MMRN1: variants seen among roughly 807,000 people sequenced by gnomAD.
MMRN1 encodes multimerin-1.
MMRN1 carries 94 observed loss-of-function variants against 100.7 expected under a neutral mutation model. The ratio of observed to expected loss-of-function variants is 0.93; its 90% CI spans 0.79 to 1.11. The LOEUF (loss-of-function observed/expected upper bound fraction) is 1.11, where lower values mean the gene tolerates loss of function less well. Ranked by LOEUF, MMRN1 falls within the 50% of genes least tolerant of loss-of-function variation. The pLI is 0.00. For synonymous variants in MMRN1, 575 were observed against 505.0 expected, an observed-to-expected ratio of 1.14 and a Z score of -1.86; for missense variants, 1,606 against 1,439.1, an observed-to-expected ratio of 1.12 and a Z score of -1.88.
intron 1 of MMRN1, among the ~76,000 whole-genome samples, chr4:89,900,874 G>C (rs1332724780): frequency 2.0e-5 from 3 of 152,068 alleles, no homozygotes; most frequent in Non-Finnish European, 4.4e-5. Context: ...TTGATGAACT[G>C]ATAGTGGTGG....
intron 3 of MMRN1, among the ~76,000 whole-genome samples, chr4:89,918,584 T>C (rs1262802287): frequency 6.6e-6 from 1 of 151,886 alleles, no homozygotes; most frequent in East Asian, 1.9e-4. Flanking sequence ...TTGTCTCTTC[T>C]TTATTTGATA....
chr4:89,915,603 A>T (rs946246578), intron 3 of MMRN1, among the ~76,000 whole-genome samples: 9 of 151,472 alleles, frequency 5.9e-5, no homozygotes, highest in African/African-American at 2.2e-4. Flanking sequence ...TCTAATTAAA[A>T]AAAAAAGCAT....
At chr4:89,917,916 A>G (rs533805444) in intron 3 of MMRN1, among the ~76,000 whole-genome samples, 43 of 152,010 alleles carry the variant, frequency 2.8e-4, no homozygotes, top group African/African-American at 7.9e-4. Flanking sequence ...TACTGTCTTT[A>G]TTATTAACTA....
intron 1 of MMRN1, among the ~76,000 whole-genome samples, chr4:89,906,859 A>G (rs1721580190): frequency 6.6e-6 from 1 of 151,402 alleles, no homozygotes; most frequent in African/African-American, 2.4e-5. Context: ...TGTCTCCTCA[A>G]CTATTTTAGT....
intron 6 of MMRN1, among the ~76,000 whole-genome samples, chr4:89,944,420 C>A (rs1722925128): frequency 1.3e-5 from 2 of 152,218 alleles, no homozygotes. Context: ...CACATATATA[C>A]ACATGGGCAC....
intron 1 of MMRN1, among the ~76,000 whole-genome samples, chr4:89,882,279 A>G (rs562267109): frequency 3.3e-5 from 5 of 151,164 alleles, no homozygotes; most frequent in African/African-American, 9.7e-5. Flanking sequence ...ATTTCTATCA[A>G]TATTATTTTG....
chr4:89,899,073 A>G (rs1721300739), intron 1 of MMRN1, among the ~76,000 whole-genome samples: 1 of 152,056 alleles, frequency 6.6e-6, no homozygotes, highest in Admixed American at 6.6e-5. Flanking sequence ...ATAAACTCAT[A>G]TTTGTTCTTT....
intron 1 of MMRN1, among the ~76,000 whole-genome samples, chr4:89,908,351 C>A (rs1243038754): frequency 1.3e-5 from 2 of 151,252 alleles, no homozygotes; most frequent in African/African-American, 2.4e-5. Flanking sequence ...GGACAAAATT[C>A]TCTGAAATTT....
intron 2 of MMRN1, 64 bp from the exon 3 acceptor site, chr4:89,911,880 A>T: frequency 2.6e-6 from 3 of 1,132,778 alleles, no homozygotes; most frequent in Non-Finnish European, 3.9e-6. Context: ...TACATTTATT[A>T]TTCCGGCTGA....
At chr4:89,913,231 TC>T (rs1286748126) in intron 3 of MMRN1, among the ~76,000 whole-genome samples, 2 of 151,326 alleles carry the variant, frequency 1.3e-5, no homozygotes, top group Non-Finnish European at 3.0e-5. Context: ...TATTTAGAAT[TC>T]TGTTTCTGAA....
chr4:89,915,724 C>T (rs1721891090), intron 3 of MMRN1, among the ~76,000 whole-genome samples: 1 of 151,566 alleles, frequency 6.6e-6, no homozygotes, highest in South Asian at 2.1e-4. Context: ...AAGAGAGTAA[C>T]TGTCCTGGGA....
At chr4:89,950,750 G>A (rs1284983979) in intron 6 of MMRN1, among the ~76,000 whole-genome samples, 1 of 151,714 alleles carries the variant, frequency 6.6e-6, no homozygotes, top group Non-Finnish European at 1.5e-5. Context: ...TTAGAGATGG[G>A]GTATCACTAT....
chr4:89,908,078 A>G (rs1721627481), intron 1 of MMRN1, among the ~76,000 whole-genome samples: 1 of 151,364 alleles, frequency 6.6e-6, no homozygotes, highest in African/African-American at 2.4e-5. Flanking sequence ...CACATTTTTT[A>G]ACCATCCTAG....
intron 7 of MMRN1, 42 bp from the exon 8 acceptor site, chr4:89,952,954 TA>T: frequency 6.6e-7 from 1 of 1,508,870 alleles, no homozygotes; most frequent in Non-Finnish European, 8.9e-7. Flanking sequence ...AAAAATAAGA[TA>T]AAAACATGAA....
In MMRN1 at chr4:89,894,978, G is replaced by A. The variant is rs1481677096; in HGVS notation, c.7G>A (p.Gly3Arg). Residue 3 changes from glycine (G) to arginine (R), a missense_variant, in exon 1 of 8, where the codon GGG (glycine) becomes AGG (arginine). Gly to Arg is a moderately radical substitution (Grantham distance 125). Coordinates refer to ENST00000264790, the MANE Select transcript of MMRN1 (RefSeq NM_007351.3). ...CTTGCTTCAAACTACTGAGATGAAG[G>A]GGGCAAGATTATTTGTCCTTCTTTC... is the stretch of plus-strand genomic sequence containing the variant. MK[G>R]ARLFVLLSSL... The A allele has an allele frequency of 2.5e-6, 4 of 1,607,118 alleles. No homozygotes were observed. Among genetic ancestry groups the A allele is most frequent in the Non-Finnish European group, 3.4e-6 (4 of 1,175,918 alleles).
rs545903781 is a variant in MMRN1 at position 89,948,518 on chromosome 4, G to A, written c.3119-3087G>A. ...TTTTAGAAAGCTTCAATACATCAGA[G>A]CACAGGAGACCTGTTATGAGACAGT... On this transcript the variant is annotated intron_variant, in intron 6 of 7. Coordinates refer to ENST00000264790, the MANE Select transcript of MMRN1 (RefSeq NM_007351.3). Among the ~76,000 whole-genome samples, 257 of 152,250 alleles carry A rather than the reference G, an allele frequency of 1.7e-3. 2 individuals are homozygous for A. In the Middle Eastern group the frequency reaches 0.02, roughly 12 times the overall value.
intron 4 of MMRN1, among the ~76,000 whole-genome samples, chr4:89,924,903 G>T (rs571196492): frequency 3.3e-5 from 5 of 151,856 alleles, no homozygotes; most frequent in African/African-American, 1.2e-4. Flanking sequence ...AGTTTTTGTG[G>T]GTACATAGTA....
chr4:89,909,361 C>T lies in MMRN1; in HGVS notation c.709C>T (p.Pro237Ser). The T allele has an allele frequency of 6.2e-7, 1 of 1,610,008 alleles. No homozygotes were observed. Among genetic ancestry groups the T allele is most frequent in the Non-Finnish European group, 8.5e-7 (1 of 1,177,512 alleles). ...CACTTATGTCCCAGGTGGGAAAGGACCTTGTGGCTGGACCGGTGGATCCTG... is the reference window on the plus strand; with the variant it reads ...CACTTATGTCCCAGGTGGGAAAGGATCTTGTGGCTGGACCGGTGGATCCTG... ...QVTYVPGGKG[P>S]CGWTGGSCPQ... Residue 237 changes from proline to serine, a missense_variant, in exon 2 of 8, where the codon CCT becomes TCT. Physicochemically the swap from Pro to Ser is moderately conservative, Grantham distance 74. Coordinates refer to ENST00000264790, the MANE Select transcript of MMRN1 (RefSeq NM_007351.3).
chr4:89,885,325 T>C (rs1720912423), intron 1 of MMRN1, among the ~76,000 whole-genome samples: 1 of 152,122 alleles, frequency 6.6e-6, no homozygotes, highest in African/African-American at 2.4e-5. Context: ...CACAATGCTA[T>C]CATTTTGTTT....
Sources: allele counts gnomAD v4.1 joint callset (sites outside exome capture counted in the v4.1 genomes callset), GRCh38; gene constraint gnomAD v4.1.1; transcripts MANE v1.5; gene names NCBI Gene and HGNC (gene_info 2026-07-23, HGNC 2026-07-21).